DOCK3: variants seen among roughly 807,000 people sequenced by gnomAD.
The protein encoded by DOCK3 is dedicator of cytokinesis 3.
DOCK3 carries 60 observed loss-of-function variants against 265.6 expected under a neutral mutation model. The ratio of observed to expected loss-of-function variants is 0.23; its 90% CI spans 0.18 to 0.28. DOCK3 has a LOEUF of 0.28. Ranked by LOEUF, DOCK3 falls within the 10% of genes least tolerant of loss-of-function variation. The pLI is 1.00. For synonymous variants in DOCK3, 881 were observed against 938.0 expected (o/e 0.94, Z 1.11); for missense variants, 1,981 against 2,594.3 (o/e 0.76, Z 5.14).
At chr3:50,920,142 C>T (rs888911776) in intron 4 of DOCK3, among the ~76,000 whole-genome samples, 9 of 152,126 alleles carry the variant, frequency 5.9e-5, no homozygotes, top group South Asian at 4.1e-4. Flanking sequence ...CTGCTGGATT[C>T]GGTTTGCCAG....
Position 51,362,555 on chromosome 3 carries a change from G to C in DOCK3, c.5174G>C (p.Gly1725Ala), listed in dbSNP as rs763163521. The C allele has an allele frequency of 6.8e-6, 11 of 1,613,914 alleles. No individual in the cohort carries two copies. The highest frequency in any genetic ancestry group is 4.5e-5 in the East Asian group (2 of 44,864). The change falls in exon 49 of 53, where the codon GGC becomes GCC. Residue 1725 changes from glycine to alanine, a missense_variant. By Grantham distance (60) the Gly-to-Ala change is moderately conservative. Around this residue, in one of 4 missense-constraint regions of DOCK3, gnomAD observed 1,357 missense variants for 1,866.8 expected, o/e 0.73. Coordinates refer to ENST00000266037, the MANE Select transcript of DOCK3 (RefSeq NM_004947.5). ...QLAYPNPRYQ[G>A]SVTNVSVLSS... Reference sequence around the variant, plus strand: ...GCGTATCCCAACCCCAGGTACCAAGGCTCAGTCACCAACGTCTCTGTTCTG... The same window carrying C: ...GCGTATCCCAACCCCAGGTACCAAGCCTCAGTCACCAACGTCTCTGTTCTG...
intron 12 of DOCK3, among the ~76,000 whole-genome samples, chr3:51,176,945 TCCTA>T (rs1200193511): frequency 6.6e-6 from 1 of 152,218 alleles, no homozygotes; most frequent in Non-Finnish European, 1.5e-5. Context: ...AAACTACAAA[TCCTA>T]CCTAATTCCA....
chr3:50,869,949 G>A (rs2047357837), intron 3 of DOCK3, among the ~76,000 whole-genome samples: 1 of 152,006 alleles, frequency 6.6e-6, no homozygotes, highest in Non-Finnish European at 1.5e-5. Context: ...TTTTTGTTAT[G>A]ATTTCTAGTT....
intron 7 of DOCK3, among the ~76,000 whole-genome samples, chr3:51,084,277 G>T (rs112991105): frequency 6.6e-6 from 1 of 151,802 alleles, no homozygotes; most frequent in African/African-American, 2.4e-5. Context: ...GATTTTAAAG[G>T]TATATATATA....
chr3:51,315,064 T>C lies in DOCK3; in HGVS notation c.3338T>C (p.Ile1113Thr). Residue 1113 changes from isoleucine (I) to threonine (T), a missense_variant, in exon 32 of 53, where the codon ATC (isoleucine) becomes ACC (threonine). Physicochemically the swap from Ile to Thr is moderately conservative, Grantham distance 89 (BLOSUM62 -1). Coordinates refer to ENST00000266037, the MANE Select transcript of DOCK3 (RefSeq NM_004947.5). ...TLVPQPEVRN[I>T]MIPIFHDMMD... ...GTCCCACAGCCAGAAGTACGGAATA[T>C]CATGATTCCCATCTTTCATGACATG... is the stretch of plus-strand genomic sequence containing the variant. The C allele has an allele frequency of 1.9e-6, 3 of 1,612,872 alleles. No individual in the cohort carries two copies. Among genetic ancestry groups the C allele is most frequent in the South Asian group, 1.1e-5 (1 of 90,872 alleles).
At chr3:51,003,563 T>G (rs1299760397) in intron 5 of DOCK3, among the ~76,000 whole-genome samples, 5 of 152,248 alleles carry the variant, frequency 3.3e-5, no homozygotes. Context: ...GTAATAGACC[T>G]GATACCAAGT....
intron 40 of DOCK3, among the ~76,000 whole-genome samples, chr3:51,353,008 A>G (rs1252548650): frequency 6.6e-6 from 1 of 152,158 alleles, no homozygotes; most frequent in African/African-American, 2.4e-5. Context: ...TCGCCTCACA[A>G]ATGTGATTAT....
At position 51,341,349 on chromosome 3, in the gene DOCK3, G is replaced by A; in HGVS notation, c.3879G>A (p.Leu1293=). The part of the protein sequence containing the change: ...SQTEWQRKEG[L]CRKIIHYFNK... ...CAGAGTGGCAGCGGAAGGAGGGACT[G>A]TGCCGGAAGATCATTCACTACTTCA... The change falls in exon 38 of 53, where the codon CTG becomes CTA. Residue 1293 remains leucine (L), a synonymous_variant. Transcript: ENST00000266037. The A allele has an allele frequency of 6.2e-7, 1 of 1,613,854 alleles. No homozygotes were observed. The highest frequency in any genetic ancestry group is 1.1e-5 in the South Asian group (1 of 91,058).
In DOCK3 at chr3:51,361,292, C is replaced by T. The variant is rs778370359; in HGVS notation, c.5007-567C>T. 2.6e-5 allele frequency among the ~76,000 whole-genome samples: 4 copies of T among 152,172 alleles called. No homozygotes were observed. Among genetic ancestry groups the T allele is most frequent in the Admixed American group, 6.5e-5 (1 of 15,272 alleles). ...GAGCAGCAGCTCAGCACAGAGTGGG[C>T]ACTTAGTAAATAAGGGACAAATGAA... On this transcript the variant is annotated intron_variant, in intron 47 of 52. Transcript: ENST00000266037. This position sits in a 1 kb window ranked among gnomAD's most constrained non-coding sequence, Gnocchi z 4.2.
chr3:50,944,746 G>A (rs1229159452), intron 5 of DOCK3, among the ~76,000 whole-genome samples: 1 of 152,076 alleles, frequency 6.6e-6, no homozygotes, highest in Non-Finnish European at 1.5e-5. Flanking sequence ...ATCACCTGAG[G>A]CCAGATGTTC....
intron 4 of DOCK3, among the ~76,000 whole-genome samples, chr3:50,931,307 G>T (rs1699641098): frequency 6.6e-6 from 1 of 152,166 alleles, no homozygotes; most frequent in Non-Finnish European, 1.5e-5. Context: ...TTATCTGACT[G>T]CAGCAGTTTA....
At chr3:50,933,830 A>C in intron 4 of DOCK3, 151 bp from the exon 5 acceptor site, 1 of 517,378 alleles carries the variant, frequency 1.9e-6, no homozygotes, top group Non-Finnish European at 3.5e-6. Context: ...GCAGTATATC[A>C]TTATAAAAAG....
chr3:51,152,680 GTGTTGATGTCCTTTT>G (rs2085661025), intron 10 of DOCK3, among the ~76,000 whole-genome samples: 1 of 152,174 alleles, frequency 6.6e-6, no homozygotes, highest in South Asian at 2.1e-4. Context: ...TGGGGTTTTG[GTGTTGATGTCCTTTT>G]TGTTGATGTT....
chr3:51,212,948 G>A (rs1032053904), intron 13 of DOCK3, among the ~76,000 whole-genome samples: 42 of 151,872 alleles, frequency 2.8e-4, no homozygotes, highest in Admixed American at 1.3e-4. Context: ...TAGTAGAACC[G>A]TATTTCCTCC....
At chr3:51,264,206 A>G (rs2080026201) in intron 23 of DOCK3, among the ~76,000 whole-genome samples, 1 of 152,134 alleles carries the variant, frequency 6.6e-6, no homozygotes, top group South Asian at 2.1e-4. Context: ...AAATCATAAC[A>G]GTCTCTCAGA....
chr3:50,859,710 C>T (rs2107489641), intron 3 of DOCK3, among the ~76,000 whole-genome samples: 1 of 152,190 alleles, frequency 6.6e-6, no homozygotes, highest in East Asian at 1.9e-4. Context: ...TCTCTAGTTT[C>T]AGAGGGAGTT....
intron 1 of DOCK3, among the ~76,000 whole-genome samples, chr3:50,706,972 T>A (rs1468842461): frequency 6.6e-6 from 1 of 152,116 alleles, no homozygotes; most frequent in Admixed American, 6.6e-5. Flanking sequence ...CAGTGCTGTT[T>A]TTATGATAGT....
At chr3:50,950,063 A>T (rs1559853441) in intron 5 of DOCK3, among the ~76,000 whole-genome samples, 2 of 150,292 alleles carry the variant, frequency 1.3e-5, no homozygotes, top group South Asian at 4.2e-4. Context: ...CAACAAGTTC[A>T]TATTTTATTT....
At chr3:50,931,376 C>T (rs1488969143) in intron 4 of DOCK3, among the ~76,000 whole-genome samples, 1 of 152,068 alleles carries the variant, frequency 6.6e-6, no homozygotes, top group Non-Finnish European at 1.5e-5. Flanking sequence ...CATTTAGCAC[C>T]TATTTGTGCT....
Sources: gnomAD v4.1 joint callset for allele counts (sites outside exome capture counted in the v4.1 genomes callset) on GRCh38, gnomAD v4.1.1 for gene constraint, gnomAD v4.1.1 regional missense constraint, Gnocchi (gnomAD v3.1) non-coding constraint, MANE v1.5 for transcripts, NCBI Gene and HGNC (gene_info 2026-07-23, HGNC 2026-07-21) for gene names.